Variants in MCM6 observed in about 807,000 individuals in gnomAD.
MCM6 encodes DNA replication licensing factor MCM6.
Under a neutral mutation model 94.3 loss-of-function variants are expected in MCM6, and 46 were observed. The observed-to-expected ratio is 0.49, with a 90% CI of 0.39 to 0.62. The LOEUF is 0.62. MCM6 is among the 20% of genes least tolerant of loss of function. The pLI is 0.00. For synonymous variants in MCM6, 335 were observed against 351.9 expected, an observed-to-expected ratio of 0.95 and a Z score of 0.54; for missense variants, 865 against 1,017.9, an observed-to-expected ratio of 0.85 and a Z score of 2.04.
intron 11 of MCM6, 59 bp from the exon 12 acceptor site, chr2:135,852,974 C>G: frequency 6.9e-7 from 1 of 1,448,474 alleles, no homozygotes. Flanking sequence ...CCAGACTATC[C>G]CAGGCAATAA....
At chr2:135,842,786 C>T (rs1157195504) in intron 16 of MCM6, among the ~76,000 whole-genome samples, 1 of 152,002 alleles carries the variant, frequency 6.6e-6, no homozygotes, top group Non-Finnish European at 1.5e-5. Flanking sequence ...GGGATCAAGG[C>T]CAGTGTCACT....
Position 135,859,419 on chromosome 2 carries a change from C to T in MCM6, c.1244G>A (p.Arg415Lys). The change falls in exon 9 of 17, where the codon AGA (arginine) becomes AAA (lysine). Residue 415 changes from arginine to lysine, a missense_variant. Physicochemically the swap from Arg to Lys is conservative, Grantham distance 26. Transcript: ENST00000264156. Reference protein sequence around the residue: ...FLKHVEEFSPRAVYTSGKASS... With the variant: ...FLKHVEEFSPKAVYTSGKASS... ...CGCTTTACCACTGGTGTAGACAGCTCTGGGGCTGAACTCCTCCACGTGCCT... is the reference window on the plus strand; with the variant it reads ...CGCTTTACCACTGGTGTAGACAGCTTTGGGGCTGAACTCCTCCACGTGCCT... 6.2e-7 allele frequency: 1 copy of T among 1,613,046 alleles called. No individual in the cohort carries two copies.
At position 135,868,755 on chromosome 2, in the gene MCM6, C is replaced by A. The variant is rs369459877; in HGVS notation, c.471G>T (p.Leu157=). Residue 157 remains leucine, a synonymous_variant, in exon 4 of 17, where the codon CTG becomes CTT. Transcript: ENST00000264156. ...VHPELVSGTF[L]CLDCQTVIRD... Reference sequence around the variant, plus strand: ...TGATCACTGTCTGACAGTCCAAGCACAGAAAAGTTCCGCTCACAAGCTCTG... The same window carrying A: ...TGATCACTGTCTGACAGTCCAAGCAAAGAAAAGTTCCGCTCACAAGCTCTG... The A allele has an allele frequency of 1.9e-6, 3 of 1,614,184 alleles. No homozygotes were observed. In the South Asian group the frequency reaches 3.3e-5, roughly 18 times the overall value.
At chr2:135,855,127 G>C (rs1219814912) in intron 11 of MCM6, among the ~76,000 whole-genome samples, 1 of 152,216 alleles carries the variant, frequency 6.6e-6, no homozygotes, top group African/African-American at 2.4e-5. Flanking sequence ...CTGCAGTCCA[G>C]TCTGGGCAAC....
Position 135,866,290 on chromosome 2 carries a change from G to A in MCM6, c.782-13C>T, listed in dbSNP as rs377419649. On this transcript the variant is annotated splice_polypyrimidine_tract_variant and intron_variant, in intron 5 of 16. Coordinates refer to ENST00000264156, the MANE Select transcript of MCM6 (RefSeq NM_005915.6). ...TCTGCACGTGCTCCTGAAACAGAATGATAGGTTGTTTCACAACTTAAATAT... is the reference window on the plus strand; with the variant it reads ...TCTGCACGTGCTCCTGAAACAGAATAATAGGTTGTTTCACAACTTAAATAT... 3.1e-6 allele frequency: 5 copies of A among 1,612,924 alleles called. No individual in the cohort carries two copies. The African/African-American group carries it at 4.0e-5, about 13-fold the overall frequency.
At chr2:135,857,637 T>C (rs770188156) in intron 10 of MCM6, among the ~76,000 whole-genome samples, 12 of 152,192 alleles carry the variant, frequency 7.9e-5, no homozygotes, top group Non-Finnish European at 1.5e-4. Context: ...TTATTTTTGT[T>C]ATAATTGGAG....
chr2:135,861,385 T>A (rs893471790), intron 8 of MCM6, among the ~76,000 whole-genome samples: 6 of 152,172 alleles, frequency 3.9e-5, no homozygotes, highest in Non-Finnish European at 2.9e-5. Context: ...ATAATACACA[T>A]GCCTGTCTGG....
chr2:135,843,039 T>C (rs1274552641), intron 16 of MCM6, among the ~76,000 whole-genome samples: 1 of 152,198 alleles, frequency 6.6e-6, no homozygotes, highest in African/African-American at 2.4e-5. Flanking sequence ...CAACAGTCCA[T>C]GCCTGGTGGC....
chr2:135,848,194 C>A lies in MCM6; in HGVS notation c.1918-6G>T, dbSNP rs778077748. ...TTCACATGTTTAGGTTGGACCTAAA[C>A]CAATAATGATGAAGTAATTAAGCTA... is the stretch of plus-strand genomic sequence containing the variant. On this transcript the variant is annotated splice_region_variant and splice_polypyrimidine_tract_variant and intron_variant, in intron 13 of 16. Transcript: ENST00000264156. 23 of 1,596,624 alleles carry A rather than the reference C, an allele frequency of 1.4e-5. No homozygotes were observed. The highest frequency in any genetic ancestry group is 6.6e-5 in the South Asian group (6 of 90,308).
At chr2:135,867,802 G>A (rs755244441) in intron 4 of MCM6, among the ~76,000 whole-genome samples, 1 of 152,048 alleles carries the variant, frequency 6.6e-6, no homozygotes, top group East Asian at 1.9e-4. Flanking sequence ...AGAGGCAGGC[G>A]GATCACGAAG....
intron 10 of MCM6, among the ~76,000 whole-genome samples, chr2:135,857,147 T>C (rs1679906099): frequency 6.6e-6 from 1 of 152,174 alleles, no homozygotes; most frequent in Non-Finnish European, 1.5e-5. Context: ...TTGTTTGTAA[T>C]ACAAAACACT....
chr2:135,841,312 A>G (rs1007264359), intron 16 of MCM6, among the ~76,000 whole-genome samples: 3 of 119,654 alleles, frequency 2.5e-5, no homozygotes, highest in Non-Finnish European at 3.4e-5. Flanking sequence ...TTCATACTTA[A>G]TATCATTCAG....
At chr2:135,859,846 C>T (rs1049638119) in intron 8 of MCM6, among the ~76,000 whole-genome samples, 76 of 152,216 alleles carry the variant, frequency 5.0e-4, no homozygotes, top group African/African-American at 1.8e-3. Context: ...CTCTGTCGCC[C>T]AGGCTGGAGT....
chr2:135,846,843 A>G (rs1175935655), intron 14 of MCM6, among the ~76,000 whole-genome samples: 1 of 152,132 alleles, frequency 6.6e-6, no homozygotes, highest in Non-Finnish European at 1.5e-5. Flanking sequence ...GTCTATACTA[A>G]AAATACAAAA....
intron 12 of MCM6, among the ~76,000 whole-genome samples, chr2:135,852,268 T>C (rs1429215786): frequency 6.6e-6 from 1 of 151,952 alleles, no homozygotes. Context: ...AGAATGAGTA[T>C]TTTTTTTCCT....
chr2:135,864,744 T>G (rs570310609), intron 7 of MCM6, among the ~76,000 whole-genome samples: 1 of 152,306 alleles, frequency 6.6e-6, no homozygotes, highest in East Asian at 1.9e-4. Flanking sequence ...TTTGTCATCA[T>G]CCCAAATAGC....
Position 135,840,878 on chromosome 2 carries a change from T to C in MCM6, c.2423A>G (p.Asp808Gly), listed in dbSNP as rs755836471. Residue 808 changes from aspartate (D) to glycine (G), a missense_variant, in exon 17 of 17, where the codon GAT becomes GGT. This residue lies in a region of MCM6 where 308 missense variants were observed against 324.5 expected (regional missense o/e 0.95). Coordinates refer to ENST00000264156, the MANE Select transcript of MCM6 (RefSeq NM_005915.6). ...GTTAGGGTTAACTACCAAGTAGGGA[T>C]CTTCTTCATAGCTCTCACTTCCCTC... ...STEGSESYEE[D>G]PYLVVNPNYL... The C allele has an allele frequency of 6.2e-7, 1 of 1,614,188 alleles. No individual in the cohort carries two copies. The highest frequency in any genetic ancestry group is 1.1e-5 in the South Asian group (1 of 91,082).
Position 135,848,142 on chromosome 2 carries a change from G to C in MCM6, c.1964C>G (p.Ser655Ter). Reference sequence around the variant, plus strand: ...ATCAGGTGTTTCCACACGGATGATTGATTTATTCAGTAACCGGAAAGCTTC... The same window carrying C: ...ATCAGGTGTTTCCACACGGATGATTCATTTATTCAGTAACCGGAAAGCTTC... ...VKEAFRLLNK[S>*]IIRVETPDVN... Residue 655 changes from serine (S) to a stop codon, truncating the protein, a stop_gained, in exon 14 of 17, where the codon TCA (serine) becomes TGA (stop). Coordinates refer to ENST00000264156, the MANE Select transcript of MCM6 (RefSeq NM_005915.6). LOFTEE classifies it high-confidence loss of function. 1 of 1,611,392 alleles carries C rather than the reference G, an allele frequency of 6.2e-7. No individual in the cohort carries two copies. Among genetic ancestry groups the C allele is most frequent in the Non-Finnish European group, 8.5e-7 (1 of 1,177,624 alleles).
Position 135,851,444 on chromosome 2 carries a change from A to T in MCM6, c.1875T>A (p.Ile625=). ...TCCGAGCCATAGCTTCAGAGAGACGAATCATGCTCTCAAGCTGTCGCACTG... is the reference window on the plus strand; with the variant it reads ...TCCGAGCCATAGCTTCAGAGAGACGTATCATGCTCTCAAGCTGTCGCACTG... ...RITVRQLESM[I]RLSEAMARMH... Residue 625 remains isoleucine (I), a synonymous_variant, in exon 13 of 17, where the codon ATT becomes ATA. Transcript: ENST00000264156. 2 of 1,613,852 alleles carry T rather than the reference A, an allele frequency of 1.2e-6. No individual in the cohort carries two copies. Among genetic ancestry groups the T allele is most frequent in the Non-Finnish European group, 1.7e-6 (2 of 1,179,872 alleles).
Sources: gnomAD v4.1 joint callset for allele counts (sites outside exome capture counted in the v4.1 genomes callset) on GRCh38, gnomAD v4.1.1 for gene constraint, gnomAD v4.1.1 regional missense constraint, MANE v1.5 for transcripts, NCBI Gene and HGNC (gene_info 2026-07-23, HGNC 2026-07-21) for gene names.